Variants in NT5DC3 observed in about 807,000 individuals in gnomAD.
The protein encoded by NT5DC3 is 5'-nucleotidase domain containing 3, also known as 5'-nucleotidase domain-containing protein 3.
NT5DC3 carries 42 observed loss-of-function variants against 67.8 expected under a neutral mutation model. The ratio of observed to expected loss-of-function variants is 0.62; its 90% confidence interval spans 0.48 to 0.80. The LOEUF is 0.80. Ranked by LOEUF, NT5DC3 falls within the 30% of genes least tolerant of loss-of-function variation. NT5DC3 has a pLI of 0.00. For synonymous variants in NT5DC3, 237 were observed against 255.6 expected, an observed-to-expected ratio of 0.93 and a Z score of 0.69; for missense variants, 570 against 696.4, an observed-to-expected ratio of 0.82 and a Z score of 2.04.
In NT5DC3 at chr12:103,796,999, C is replaced by T; in HGVS notation, c.648G>A (p.Met216Ile). 1.2e-6 allele frequency: 2 copies of T among 1,614,158 alleles called. No individual in the cohort carries two copies. The highest frequency in any genetic ancestry group is 1.3e-5 in the African/African-American group (1 of 75,048). ...SSHGNTMKQF[M>I]DIFSLPEMTL... The stretch of plus-strand genomic sequence containing the variant: ...TCATCTCGGGCAGGGAGAAGATGTC[C>T]ATGAACTGCTTCATCGTGTTTCCAT... The change falls in exon 6 of 14, where the codon ATG (methionine) becomes ATA (isoleucine). Residue 216 changes from methionine to isoleucine, a missense_variant. Met to Ile is a conservative substitution (Grantham distance 10). This residue lies in a region of NT5DC3 where 466 missense variants were observed against 608.0 expected (regional missense o/e 0.77). Transcript: ENST00000392876.
intron 2 of NT5DC3, 141 bp downstream of exon 2, chr12:103,814,795 TG>T: frequency 1.7e-6 from 1 of 590,922 alleles, no homozygotes; most frequent in South Asian, 4.3e-5. Flanking sequence ...AAGAGTTACT[TG>T]GAAGGGAACA....
rs61752308 is a variant in NT5DC3, at chr12:103,785,398, C to A, written c.1266G>T (p.Thr422=). Residue 422 remains threonine (T), a synonymous_variant, in exon 12 of 14, where the codon ACG becomes ACT. Transcript: ENST00000392876. The part of the protein sequence containing the change: ...ELRSELKIMN[T]EQYIQTMTWL... The stretch of plus-strand genomic sequence containing the variant: ...AGGTCATGGTTTGAATGTATTGCTC[C>A]GTGTTCATGATTTTGAGCTCAGATC... 1 of 1,613,984 alleles carries A rather than the reference C, an allele frequency of 6.2e-7. No homozygotes were observed. The highest frequency in any genetic ancestry group is 1.1e-5 in the South Asian group (1 of 91,086).
chr12:103,781,259 C>G (rs772280978), intron 12 of NT5DC3, among the ~76,000 whole-genome samples: 2 of 152,182 alleles, frequency 1.3e-5, no homozygotes, highest in African/African-American at 4.8e-5. Flanking sequence ...AAACACCAAG[C>G]GGGCAAACCA....
At chr12:103,787,869 T>G (rs1231579541) in intron 10 of NT5DC3, among the ~76,000 whole-genome samples, 1 of 139,768 alleles carries the variant, frequency 7.2e-6, no homozygotes, top group Non-Finnish European at 1.5e-5. Flanking sequence ...TTATCTATTT[T>G]ATAAGCAACT....
intron 1 of NT5DC3, among the ~76,000 whole-genome samples, chr12:103,835,908 G>C (rs1888124599): frequency 6.6e-6 from 1 of 152,218 alleles, no homozygotes; most frequent in South Asian, 2.1e-4. Context: ...ACATGGCTGG[G>C]GAGGCCTCAG....
intron 2 of NT5DC3, among the ~76,000 whole-genome samples, chr12:103,813,992 A>G (rs1057203405): frequency 1.3e-5 from 2 of 152,124 alleles, no homozygotes; most frequent in Non-Finnish European, 2.9e-5. Context: ...TGCTTCCCCA[A>G]TTCCCTAAGG....
chr12:103,827,561 A>C (rs1482136384), intron 1 of NT5DC3, among the ~76,000 whole-genome samples: 2 of 152,228 alleles, frequency 1.3e-5, no homozygotes, highest in Admixed American at 6.5e-5. Flanking sequence ...CAGTCTATGC[A>C]GAGAGTTGCA....
intron 9 of NT5DC3, among the ~76,000 whole-genome samples, chr12:103,791,511 G>T (rs965239494): frequency 3.3e-5 from 5 of 151,984 alleles, no homozygotes; most frequent in Non-Finnish European, 7.4e-5. Flanking sequence ...CAAGACACTG[G>T]AAGAAACCAG....
chr12:103,746,661 T>C, the NT5DC3 span: 1 of 1,614,064 alleles, frequency 6.2e-7, no homozygotes, highest in Non-Finnish European at 8.5e-7. Context: ...ACAACACGTG[T>C]GAGTGTAACC....
chr12:103,820,560 T>A (rs1426788752), intron 1 of NT5DC3, among the ~76,000 whole-genome samples: 1 of 152,224 alleles, frequency 6.6e-6, no homozygotes, highest in Non-Finnish European at 1.5e-5. Flanking sequence ...TCTTCTTTAA[T>A]GCTCAGAAAT....
intron 1 of NT5DC3, among the ~76,000 whole-genome samples, chr12:103,836,536 T>C (rs1888155273): frequency 6.6e-6 from 1 of 152,226 alleles, no homozygotes; most frequent in African/African-American, 2.4e-5. Context: ...CTACATTTAG[T>C]TGTCATGTCT....
rs1420103046 is a variant in NT5DC3 at position 103,775,764 on chromosome 12, C to G, written c.*2065G>C. ...TATTGGATCTAAAGGGTCACCTTCA[C>G]CATTATAGTTAAATACAGCCAAATA... On this transcript the variant is annotated 3_prime_UTR_variant, in exon 14 of 14. Transcript: ENST00000392876. 6.6e-6 allele frequency: 1 copy of G among 152,190 alleles called. No individual in the cohort carries two copies. Among genetic ancestry groups the G allele is most frequent in the Non-Finnish European group, 1.5e-5 (1 of 68,036 alleles). The allele number at this position is 152,190 out of a possible 1,614,324, so 9.4% of individuals were successfully genotyped here. A position where few individuals can be genotyped will look rare whatever the true frequency, so the allele number is the denominator to read the frequency against.
chr12:103,829,802 T>C (rs1208206874), intron 1 of NT5DC3, among the ~76,000 whole-genome samples: 2 of 151,986 alleles, frequency 1.3e-5, no homozygotes, highest in African/African-American at 4.8e-5. Context: ...ACCTTTGGGA[T>C]TTTTTTTCCT....
At chr12:103,814,303 C>A (rs1297959452) in intron 2 of NT5DC3, among the ~76,000 whole-genome samples, 1 of 152,124 alleles carries the variant, frequency 6.6e-6, no homozygotes, top group Non-Finnish European at 1.5e-5. Context: ...AAATCAGAAC[C>A]ACCTCCTATG....
chr12:103,760,213 T>A, the NT5DC3 span, among the ~76,000 whole-genome samples: 1 of 152,178 alleles, frequency 6.6e-6, no homozygotes, highest in South Asian at 2.1e-4. Flanking sequence ...GTTTCTCAAG[T>A]GACTTCTGCT....
chr12:103,839,671 C>G (rs115027717), intron 1 of NT5DC3, among the ~76,000 whole-genome samples: 7 of 152,142 alleles, frequency 4.6e-5, no homozygotes, highest in Admixed American at 4.6e-4. Flanking sequence ...TTAAGACCTG[C>G]AAAATTCCCA....
intron 2 of NT5DC3, among the ~76,000 whole-genome samples, chr12:103,810,769 T>C (rs537207033): frequency 6.6e-6 from 1 of 152,300 alleles, no homozygotes; most frequent in East Asian, 1.9e-4. Context: ...GACTTCTCCA[T>C]GTGTGCCTAT....
the NT5DC3 span, chr12:103,761,404 C>A: frequency 6.2e-7 from 1 of 1,613,410 alleles, no homozygotes; most frequent in Non-Finnish European, 8.5e-7. Flanking sequence ...CACCCCCTGC[C>A]CCCGTGGTGA....
At chr12:103,840,388 C>CA (rs1888339711) in intron 1 of NT5DC3, among the ~76,000 whole-genome samples, 1 of 130,074 alleles carries the variant, frequency 7.7e-6, no homozygotes, top group African/African-American at 3.6e-5. Flanking sequence ...CTCATCTCAT[C>CA]TCATCTCATC....
Sources: gnomAD v4.1 joint callset for allele counts (sites outside exome capture counted in the v4.1 genomes callset) on GRCh38, gnomAD v4.1.1 for gene constraint, gnomAD v4.1.1 regional missense constraint, MANE v1.5 for transcripts, NCBI Gene and HGNC (gene_info 2026-07-23, HGNC 2026-07-21) for gene names.